CDH6: variants seen among roughly 807,000 people sequenced by gnomAD.
CDH6 encodes cadherin 6, also known as cadherin-6.
In CDH6, 31 loss-of-function variants were observed where a neutral mutation model predicts 78.0. The observed-to-expected ratio is 0.40, with a 90% CI of 0.30 to 0.54. The LOEUF is 0.54. Ranked by LOEUF, CDH6 falls within the 20% of genes least tolerant of loss-of-function variation. CDH6 has a pLI of 0.56. For synonymous variants in CDH6, 376 were observed against 368.8 expected, an observed-to-expected ratio of 1.02 and a Z score of -0.23; for missense variants, 724 against 975.9, an observed-to-expected ratio of 0.74 and a Z score of 3.44.
rs1390790947 is a variant in CDH6, at chr5:31,302,955, G to GA, written c.999+659dup. Reference sequence around the variant, plus strand: ...AGAAAGAAAGAAAGAAAGAAAGAAAGAAGGAAAGAAAAGAAAGAAAGAAAG... The same window carrying GA: ...AGAAAGAAAGAAAGAAAGAAAGAAAGAAAGGAAAGAAAAGAAAGAAAGAAAG... On this transcript the variant is annotated intron_variant, in intron 6 of 11. Transcript: ENST00000265071. Among the ~76,000 whole-genome samples, 1,025 of 122,356 alleles carry GA rather than the reference G, an allele frequency of 8.4e-3. 18 individuals are homozygous for GA. Among genetic ancestry groups the GA allele is most frequent in the East Asian group, 0.039 (161 of 4,164 alleles). 80.3% of individuals were successfully genotyped at this position (122,356 alleles called of 152,430 possible).
Position 31,305,156 on chromosome 5 carries a change from C to T in CDH6, c.1000-18C>T. ...CTGCTTTAAATATGTCACTTCTTCC[C>T]CCACCCCCAACCTCAAGCTCTTGGA... On this transcript the variant is annotated intron_variant, in intron 6 of 11. Transcript: ENST00000265071. The T allele has an allele frequency of 1.3e-6, 2 of 1,598,144 alleles. No individual in the cohort carries two copies. Among genetic ancestry groups the T allele is most frequent in the East Asian group, 2.2e-5 (1 of 44,650 alleles).
At chr5:31,318,830 G>T (rs1210161521) in intron 11 of CDH6, 8 of 226,014 alleles carry the variant, frequency 3.5e-5, no homozygotes, top group Non-Finnish European at 7.1e-5. Flanking sequence ...GAGTGACTTT[G>T]AGAAGAGTGA....
At chr5:31,238,326 A>G (rs1450255987) in intron 1 of CDH6, among the ~76,000 whole-genome samples, 2 of 152,118 alleles carry the variant, frequency 1.3e-5, no homozygotes, top group African/African-American at 4.8e-5. Context: ...TGAGAACTGA[A>G]ATGTACCCAT....
Position 31,328,859 on chromosome 5 carries a change from T to G in CDH6, c.*5551T>G, listed in dbSNP as rs75695676. 1,282 of 219,380 alleles carry G rather than the reference T, an allele frequency of 5.8e-3. 21 individuals carry two copies. The highest frequency in any genetic ancestry group is 0.046 in the East Asian group (689 of 14,918). 13.6% of individuals were successfully genotyped at this position (219,380 alleles called of 1,614,324 possible). ...CATCAACATTTCTAGTTAGGGGGAT[T>G]CTCATAACCCCACAGTTTACCTGAG... is the stretch of plus-strand genomic sequence containing the variant. On this transcript the variant is annotated 3_prime_UTR_variant, in exon 12 of 12. Coordinates refer to ENST00000265071, the MANE Select transcript of CDH6 (RefSeq NM_004932.4).
intron 2 of CDH6, among the ~76,000 whole-genome samples, chr5:31,283,904 T>C (rs1175447572): frequency 6.6e-6 from 1 of 151,932 alleles, no homozygotes; most frequent in African/African-American, 2.4e-5. Context: ...AACCTCCGCC[T>C]CCTGGGTTCA....
intron 2 of CDH6, among the ~76,000 whole-genome samples, chr5:31,289,907 C>T (rs1044461658): frequency 6.6e-6 from 1 of 152,104 alleles, no homozygotes; most frequent in Non-Finnish European, 1.5e-5. Flanking sequence ...TGGTCCCACC[C>T]ACCATGGAGC....
chr5:31,290,173 T>C (rs1192995090), intron 2 of CDH6, among the ~76,000 whole-genome samples: 2 of 152,074 alleles, frequency 1.3e-5, no homozygotes, highest in Admixed American at 6.5e-5. Flanking sequence ...GCCAAGAGAA[T>C]TGCTTGAACC....
intron 1 of CDH6, among the ~76,000 whole-genome samples, chr5:31,212,074 G>T (rs558744715): frequency 6.6e-6 from 1 of 152,154 alleles, no homozygotes; most frequent in Non-Finnish European, 1.5e-5. Flanking sequence ...CTAAGTATAA[G>T]AACTACCTTG....
intron 1 of CDH6, among the ~76,000 whole-genome samples, chr5:31,241,670 A>G (rs1741603867): frequency 6.6e-6 from 1 of 152,208 alleles, no homozygotes; most frequent in African/African-American, 2.4e-5. Flanking sequence ...GAGCCCTGGC[A>G]TCATCAGCAT....
intron 1 of CDH6, among the ~76,000 whole-genome samples, chr5:31,266,650 G>T (rs572862300): frequency 6.6e-6 from 1 of 150,502 alleles, no homozygotes; most frequent in African/African-American, 2.4e-5. Context: ...AAAAAAAAAA[G>T]TTTTCTGGTC....
At chr5:31,322,337 T>TA (rs34633657) in intron 11 of CDH6, among the ~76,000 whole-genome samples, 2,307 of 143,680 alleles carry the variant, frequency 0.016, 48 homozygotes, top group African/African-American at 0.048. Flanking sequence ...TTTTCTCAGG[T>TA]AAAAAAAAAA....
intron 8 of CDH6, among the ~76,000 whole-genome samples, chr5:31,314,912 C>G (rs901531518): frequency 4.6e-5 from 7 of 152,114 alleles, no homozygotes; most frequent in Non-Finnish European, 7.4e-5. Context: ...CTCTAACTTT[C>G]AAAGAATAAT....
intron 1 of CDH6, among the ~76,000 whole-genome samples, chr5:31,263,441 C>CTTTTT (rs35835971): frequency 1.9e-5 from 2 of 103,682 alleles, no homozygotes; most frequent in Non-Finnish European, 3.8e-5. Flanking sequence ...TTTTTGGGGT[C>CTTTTT]TTTTTTTTTT....
chr5:31,282,782 TG>T (rs1294308962), intron 2 of CDH6, among the ~76,000 whole-genome samples: 1 of 152,254 alleles, frequency 6.6e-6, no homozygotes, highest in African/African-American at 2.4e-5. Flanking sequence ...ATTTCTGCTG[TG>T]TTTAGGCTTA....
chr5:31,313,914 C>T (rs1164685315), intron 8 of CDH6, among the ~76,000 whole-genome samples: 1 of 151,998 alleles, frequency 6.6e-6, no homozygotes, highest in East Asian at 1.9e-4. Flanking sequence ...AAAGTCTTTA[C>T]AGAATTAAGA....
chr5:31,299,681 C>T (rs749485405), intron 5 of CDH6, 50 bp downstream of exon 5: 20 of 1,494,840 alleles, frequency 1.3e-5, no homozygotes, highest in Admixed American at 7.0e-5. Context: ...TTATAAAACT[C>T]GAACTTTAAG....
At chr5:31,244,103 T>TA (rs1354763091) in intron 1 of CDH6, among the ~76,000 whole-genome samples, 1 of 152,214 alleles carries the variant, frequency 6.6e-6, no homozygotes, top group African/African-American at 2.4e-5. Flanking sequence ...TGTTTATATA[T>TA]TTTTAATTGT....
At chr5:31,282,960 A>C (rs1281415771) in intron 2 of CDH6, among the ~76,000 whole-genome samples, 1 of 152,216 alleles carries the variant, frequency 6.6e-6, no homozygotes, top group Non-Finnish European at 1.5e-5. Flanking sequence ...TGTATTTTAA[A>C]AGTCACAAAG....
At chr5:31,285,436 T>C (rs925671256) in intron 2 of CDH6, among the ~76,000 whole-genome samples, 9 of 152,352 alleles carry the variant, frequency 5.9e-5, no homozygotes, top group Non-Finnish European at 8.8e-5. Context: ...TTTACTTACC[T>C]TGTGAATCCT....
Sources: allele counts gnomAD v4.1 joint callset (sites outside exome capture counted in the v4.1 genomes callset), GRCh38; gene constraint gnomAD v4.1.1; transcripts MANE v1.5; gene names NCBI Gene and HGNC (gene_info 2026-07-23, HGNC 2026-07-21).